Variants in PARD3 observed in about 807,000 individuals in gnomAD.
PARD3 encodes the protein par-3 family cell polarity regulator.
PARD3 carries 75 observed loss-of-function variants against 155.4 expected under a neutral mutation model. That is an observed-to-expected ratio of 0.48 (90% CI 0.40 to 0.58). The LOEUF (loss-of-function observed/expected upper bound fraction) is 0.58. Ranked by LOEUF, PARD3 falls within the 20% of genes least tolerant of loss-of-function variation. The probability of loss-of-function intolerance (pLI) is 0.00; values close to 1 mark genes in which losing one functional copy is unlikely to be tolerated. For synonymous variants in PARD3, 576 were observed against 610.5 expected (o/e 0.94, Z 0.83); for missense variants, 1,642 against 1,721.7 (o/e 0.95, Z 0.82).
At chr10:34,701,333 A>ATGATGATGTTGT (rs1554815382) in intron 1 of PARD3, among the ~76,000 whole-genome samples, 2 of 149,862 alleles carry the variant, frequency 1.3e-5, no homozygotes, top group African/African-American at 2.5e-5. Flanking sequence ...ACACGCGGGG[A>ATGATGATGTTGT]TGTTGTTGTT....
At chr10:34,354,596 G>A (rs758205846) in intron 14 of PARD3, among the ~76,000 whole-genome samples, 22 of 152,134 alleles carry the variant, frequency 1.4e-4, no homozygotes, top group Non-Finnish European at 2.4e-4. Context: ...ACGGGGCTAT[G>A]AAAATCCTTT....
chr10:34,534,670 G>A (rs562514828), intron 2 of PARD3, among the ~76,000 whole-genome samples: 1 of 152,182 alleles, frequency 6.6e-6, no homozygotes, highest in East Asian at 1.9e-4. Flanking sequence ...AGCGGCTGCA[G>A]AACAGTAGGG....
intron 20 of PARD3, among the ~76,000 whole-genome samples, chr10:34,305,824 A>G (rs1407870299): frequency 6.6e-6 from 1 of 152,124 alleles, no homozygotes; most frequent in East Asian, 1.9e-4. Context: ...CAAAAAGTAA[A>G]AAATTTAAAA....
chr10:34,671,017 G>T (rs1251987055), intron 2 of PARD3, among the ~76,000 whole-genome samples: 1 of 152,202 alleles, frequency 6.6e-6, no homozygotes, highest in Admixed American at 6.5e-5. Flanking sequence ...TCGGACAGAG[G>T]CAGATGAGGT....
chr10:34,291,166 G>C (rs1956658545), intron 20 of PARD3, among the ~76,000 whole-genome samples: 1 of 152,018 alleles, frequency 6.6e-6, no homozygotes, highest in Non-Finnish European at 1.5e-5. Context: ...AATTGCTATA[G>C]ATTTTATTCA....
At chr10:34,201,831 T>C (rs577202584) in intron 22 of PARD3, 1 of 152,220 alleles carries the variant, frequency 6.6e-6, no homozygotes, top group African/African-American at 2.4e-5. Flanking sequence ...TCGCAAACAT[T>C]CACTGAGCAC....
intron 2 of PARD3, among the ~76,000 whole-genome samples, chr10:34,538,285 C>T (rs971911026): frequency 1.3e-5 from 2 of 152,210 alleles, no homozygotes; most frequent in Admixed American, 6.5e-5. Context: ...ACAACAGGAA[C>T]ATCAAGAAAT....
chr10:34,332,487 T>G (rs1385324319), intron 18 of PARD3, among the ~76,000 whole-genome samples: 1 of 152,130 alleles, frequency 6.6e-6, no homozygotes, highest in African/African-American at 2.4e-5. Flanking sequence ...CATATGTTGA[T>G]CATGTTATTA....
At chr10:34,584,363 G>A (rs1333862009) in intron 2 of PARD3, among the ~76,000 whole-genome samples, 1 of 152,140 alleles carries the variant, frequency 6.6e-6, no homozygotes, top group Non-Finnish European at 1.5e-5. Context: ...AAAGACCTAG[G>A]ACTTTCAGTT....
chr10:34,192,885 T>A (rs1349437859), intron 22 of PARD3, among the ~76,000 whole-genome samples: 1 of 152,146 alleles, frequency 6.6e-6, no homozygotes, highest in African/African-American at 2.4e-5. Context: ...CAAATTATCA[T>A]GCCCGCCTCT....
intron 24 of PARD3, among the ~76,000 whole-genome samples, chr10:34,114,920 C>T (rs938961942): frequency 3.3e-5 from 5 of 152,182 alleles, no homozygotes; most frequent in Admixed American, 2.6e-4. Flanking sequence ...CTGCAGTGAG[C>T]CCCTGGACAT....
Position 34,389,432 on chromosome 10 carries a change from G to A in PARD3, c.891-5178C>T, listed in dbSNP as rs577295765. Among the ~76,000 whole-genome samples, 7 of 152,056 alleles carry A rather than the reference G, an allele frequency of 4.6e-5. No homozygotes were observed. In the South Asian group the frequency reaches 8.3e-4, roughly 18 times the overall value. ...AATTATACACTTAATTAAAACAAAC[G>A]CAGTCACACATGTTAACATTTTCAA... On this transcript the variant is annotated intron_variant, in intron 7 of 24. Coordinates refer to ENST00000374788, the MANE Select transcript of PARD3 (RefSeq NM_001184785.2).
chr10:34,504,902 G>T (rs1260147753), intron 3 of PARD3, among the ~76,000 whole-genome samples: 2 of 152,198 alleles, frequency 1.3e-5, no homozygotes, highest in African/African-American at 2.4e-5. Flanking sequence ...TATATCAAGT[G>T]CAGCGAGAAG....
intron 22 of PARD3, among the ~76,000 whole-genome samples, chr10:34,155,586 C>A (rs1300176967): frequency 6.6e-6 from 1 of 151,556 alleles, no homozygotes; most frequent in African/African-American, 2.4e-5. Context: ...TGGGTCAGGG[C>A]AGAAGATGAA....
intron 3 of PARD3, among the ~76,000 whole-genome samples, chr10:34,510,526 C>T (rs1417739355): frequency 6.6e-6 from 1 of 152,034 alleles, no homozygotes; most frequent in African/African-American, 2.4e-5. Flanking sequence ...TTTTAATGTA[C>T]TTTGTTTGTT....
At position 34,256,688 on chromosome 10, in the gene PARD3, G is replaced by T. The variant is rs1417356617; in HGVS notation, c.3419+12969C>A. ...GAGTCAACCCAAGACCCCCTATATA[G>T]TCTATGGAATAGAACTAGTAATGAA... On this transcript the variant is annotated intron_variant, in intron 22 of 24. Transcript: ENST00000374788. Among the ~76,000 whole-genome samples, 4 of 151,738 alleles carry T rather than the reference G, an allele frequency of 2.6e-5. No individual in the cohort carries two copies. The East Asian group carries it at 7.7e-4, about 29-fold the overall frequency.
intron 2 of PARD3, among the ~76,000 whole-genome samples, chr10:34,576,630 C>A (rs973030271): frequency 6.6e-6 from 1 of 152,108 alleles, no homozygotes; most frequent in African/African-American, 2.4e-5. Context: ...CACCCCCTGA[C>A]TGCACTAATC....
intron 1 of PARD3, among the ~76,000 whole-genome samples, chr10:34,762,912 A>G (rs987630896): frequency 1.3e-5 from 2 of 152,238 alleles, no homozygotes; most frequent in African/African-American, 4.8e-5. Flanking sequence ...TAAGAATAAG[A>G]AACATTGTAC....
At chr10:34,495,778 C>T (rs147058940) in intron 3 of PARD3, among the ~76,000 whole-genome samples, 3 of 151,210 alleles carry the variant, frequency 2.0e-5, no homozygotes, top group African/African-American at 4.9e-5. Flanking sequence ...ATAATGCAAC[C>T]GGCTGCAGTA....
Sources: gnomAD v4.1 joint callset for allele counts (sites outside exome capture counted in the v4.1 genomes callset) on GRCh38, gnomAD v4.1.1 for gene constraint, MANE v1.5 for transcripts, NCBI Gene and HGNC (gene_info 2026-07-23, HGNC 2026-07-21) for gene names.